PALLD: variants seen among roughly 807,000 people sequenced by gnomAD.
The protein encoded by PALLD is palladin, cytoskeletal associated protein, also known as palladin.
Under a neutral mutation model 123.5 loss-of-function variants are expected in PALLD, and 61 were observed. That is an observed-to-expected ratio of 0.49 (90% confidence interval 0.40 to 0.61). The LOEUF is 0.61. Among genes scored for constraint, PALLD ranks in the 20% least tolerant of loss-of-function variants. The probability of loss-of-function intolerance (pLI) is 0.00; values close to 1 mark genes in which losing one functional copy is unlikely to be tolerated. For missense variants in PALLD, 1,273 were observed against 1,377.0 expected, an observed-to-expected ratio of 0.92 and a Z score of 1.20; for synonymous variants, 465 against 496.4, an observed-to-expected ratio of 0.94 and a Z score of 0.84.
intron 10 of PALLD, among the ~76,000 whole-genome samples, chr4:168,815,506 A>G (rs1440931227): frequency 6.6e-6 from 1 of 152,286 alleles, no homozygotes; most frequent in Non-Finnish European, 1.5e-5. Context: ...TCCATAAAAT[A>G]GGGAAATACA....
chr4:168,589,009 G>T (rs188673529), intron 2 of PALLD, among the ~76,000 whole-genome samples: 1 of 152,142 alleles, frequency 6.6e-6, no homozygotes, highest in Non-Finnish European at 1.5e-5. Flanking sequence ...TGAACTTAAG[G>T]CCAGGGGTAT....
chr4:168,662,315 C>T (rs1779206516), intron 2 of PALLD, among the ~76,000 whole-genome samples: 2 of 152,224 alleles, frequency 1.3e-5, no homozygotes, highest in Non-Finnish European at 2.9e-5. Context: ...CCCCTCTCCA[C>T]TCTTAGCCCA....
chr4:168,655,483 C>G (rs1330153984), intron 2 of PALLD, among the ~76,000 whole-genome samples: 1 of 152,226 alleles, frequency 6.6e-6, no homozygotes, highest in Non-Finnish European at 1.5e-5. Flanking sequence ...GGAGGCTCTT[C>G]CTCAGCCTCT....
At chr4:168,745,903 A>G (rs1238200638) in intron 10 of PALLD, among the ~76,000 whole-genome samples, 1 of 152,126 alleles carries the variant, frequency 6.6e-6, no homozygotes, top group Non-Finnish European at 1.5e-5. Flanking sequence ...TTTTAAAATA[A>G]AAATTATTTT....
At chr4:168,801,530 G>A (rs966475533) in intron 10 of PALLD, among the ~76,000 whole-genome samples, 19 of 152,204 alleles carry the variant, frequency 1.2e-4, no homozygotes, top group African/African-American at 3.1e-4. Flanking sequence ...TGCCCGCCTC[G>A]GCCTCCCAAA....
intron 10 of PALLD, among the ~76,000 whole-genome samples, chr4:168,810,818 AAAAAAAAAG>A (rs1366254130): frequency 6.3e-5 from 8 of 126,240 alleles, no homozygotes; most frequent in African/African-American, 2.5e-4. Context: ...CCGTCTCAAA[AAAAAAAAAG>A]AAAAAAAAAG....
intron 18 of PALLD, among the ~76,000 whole-genome samples, chr4:168,922,440 A>G (rs1294693895): frequency 6.6e-6 from 1 of 152,216 alleles, no homozygotes; most frequent in Admixed American, 6.5e-5. Flanking sequence ...TGGCCCTCAC[A>G]TGAGCCTTAT....
intron 2 of PALLD, among the ~76,000 whole-genome samples, chr4:168,576,420 G>A (rs543904925): frequency 6.6e-6 from 1 of 151,802 alleles, no homozygotes; most frequent in African/African-American, 2.4e-5. Context: ...GGTGTGTGAT[G>A]TTCCCCTCCC....
intron 2 of PALLD, among the ~76,000 whole-genome samples, chr4:168,667,301 A>G (rs1779746483): frequency 6.6e-6 from 1 of 152,216 alleles, no homozygotes; most frequent in Non-Finnish European, 1.5e-5. Flanking sequence ...CTAAATGGAC[A>G]ATATTTTCCC....
At position 168,921,544 on chromosome 4, in the gene PALLD, T is replaced by C. The variant is rs1761521166; in HGVS notation, c.2861T>C (p.Leu954Ser). The C allele has an allele frequency of 6.2e-7, 1 of 1,603,674 alleles. No individual in the cohort carries two copies. The highest frequency in any genetic ancestry group is 1.4e-5 in the African/African-American group (1 of 73,430). Residue 954 changes from leucine (L) to serine (S), a missense_variant, in exon 18 of 22, where the codon TTA (leucine) becomes TCA (serine). Physicochemically the swap from Leu to Ser is moderately radical, Grantham distance 145. Coordinates refer to ENST00000505667, the MANE Select transcript of PALLD (RefSeq NM_001166108.2). ...TCTTTTATGATTTAGGTCAGTGGGT[T>C]ACCAACCCCAGATCTAAGCTGGCAA... is the stretch of plus-strand genomic sequence containing the variant. ...LCRMDCKVSG[L>S]PTPDLSWQLD... is the part of the protein sequence containing the mutation.
intron 2 of PALLD, among the ~76,000 whole-genome samples, chr4:168,621,427 G>A (rs1023850326): frequency 9.9e-5 from 15 of 152,148 alleles, no homozygotes; most frequent in Non-Finnish European, 2.1e-4. Context: ...TGGAACTCCC[G>A]CTGGGGCCGC....
chr4:168,865,097 TCATC>T (rs1750068972), intron 10 of PALLD, among the ~76,000 whole-genome samples: 1 of 152,254 alleles, frequency 6.6e-6, no homozygotes, highest in Non-Finnish European at 1.5e-5. Context: ...TGGATAGACT[TCATC>T]CACTGCTGGA....
chr4:168,542,744 A>AT (rs1338648450), intron 2 of PALLD, among the ~76,000 whole-genome samples: 1 of 47,064 alleles, frequency 2.1e-5, no homozygotes, highest in Non-Finnish European at 5.0e-5. Context: ...ATATATATAT[A>AT]TATATATATA....
chr4:168,680,192 T>C (rs1781401119), intron 3 of PALLD, among the ~76,000 whole-genome samples: 1 of 151,968 alleles, frequency 6.6e-6, no homozygotes, highest in African/African-American at 2.4e-5. Flanking sequence ...ATTAAACTTA[T>C]CCAGGCCATG....
intron 2 of PALLD, among the ~76,000 whole-genome samples, chr4:168,625,532 A>AGATAGATAT (rs1775182973): frequency 9.5e-5 from 3 of 31,632 alleles, no homozygotes; most frequent in Admixed American, 5.4e-4. Context: ...ATAAGGGGTT[A>AGATAGATAT]ATATTCAGGA....
At chr4:168,599,069 A>T (rs1772281587) in intron 2 of PALLD, among the ~76,000 whole-genome samples, 1 of 152,108 alleles carries the variant, frequency 6.6e-6, no homozygotes, top group African/African-American at 2.4e-5. Flanking sequence ...TCCCAACTCA[A>T]CTTCTCCAAG....
At chr4:168,570,631 G>A (rs1726200515) in intron 2 of PALLD, among the ~76,000 whole-genome samples, 1 of 152,144 alleles carries the variant, frequency 6.6e-6, no homozygotes. Flanking sequence ...AGAAGCATCT[G>A]TAACATTTTA....
At chr4:168,600,368 C>T (rs1197519452) in intron 2 of PALLD, among the ~76,000 whole-genome samples, 1 of 152,126 alleles carries the variant, frequency 6.6e-6, no homozygotes, top group African/African-American at 2.4e-5. Context: ...TTCCTCTCCC[C>T]CTTTTAAGCA....
At chr4:168,764,642 C>T (rs1733414664) in intron 10 of PALLD, among the ~76,000 whole-genome samples, 2 of 151,988 alleles carry the variant, frequency 1.3e-5, no homozygotes, top group Non-Finnish European at 1.5e-5. Context: ...TATTCCAAAC[C>T]CTTTCTAACA....
Sources: gnomAD v4.1 joint callset for allele counts (sites outside exome capture counted in the v4.1 genomes callset) on GRCh38, gnomAD v4.1.1 for gene constraint, MANE v1.5 for transcripts, NCBI Gene and HGNC (gene_info 2026-07-23, HGNC 2026-07-21) for gene names.